SYNPO2: variants seen among roughly 807,000 people sequenced by gnomAD.
SYNPO2 encodes the protein synaptopodin 2, also known as synaptopodin-2.
In SYNPO2, 56 loss-of-function variants were observed where a neutral mutation model predicts 85.0. The ratio of observed to expected loss-of-function variants is 0.66; its 90% CI spans 0.53 to 0.82. The LOEUF is 0.82. Ranked by LOEUF, SYNPO2 falls within the 40% of genes least tolerant of loss-of-function variation. The pLI is 0.00. For missense variants in SYNPO2, 1,575 were observed against 1,534.2 expected, an observed-to-expected ratio of 1.03 and a Z score of -0.44; for synonymous variants, 602 against 591.1, an observed-to-expected ratio of 1.02 and a Z score of -0.27.
upstream of SYNPO2, among the ~76,000 whole-genome samples, chr4:118,884,033 A>C (rs1732158030): frequency 6.6e-6 from 1 of 152,158 alleles, no homozygotes; most frequent in African/African-American, 2.4e-5. Context: ...ACACAATATG[A>C]CCCAGATGGA....
chr4:119,047,205 C>G (rs1314660838), intron 4 of SYNPO2, among the ~76,000 whole-genome samples: 2 of 152,166 alleles, frequency 1.3e-5, no homozygotes, highest in Non-Finnish European at 2.9e-5. Context: ...AGATTACAGG[C>G]ATGAGCCACC....
intron 1 of SYNPO2, among the ~76,000 whole-genome samples, chr4:118,933,829 G>GTTGTTTTT (rs1553939088): frequency 4.9e-5 from 5 of 102,318 alleles, no homozygotes; most frequent in African/African-American, 6.8e-5. Context: ...TGTTGTTGTT[G>GTTGTTTTT]TTTTTTTTTT....
intron 1 of SYNPO2, among the ~76,000 whole-genome samples, chr4:118,911,001 T>G (rs1335906223): frequency 1.3e-5 from 2 of 152,198 alleles, no homozygotes; most frequent in Non-Finnish European, 2.9e-5. Context: ...TTCCCAAGTG[T>G]ATGTACTTTT....
chr4:118,975,870 A>G (rs1485032230), intron 1 of SYNPO2, among the ~76,000 whole-genome samples: 1 of 152,218 alleles, frequency 6.6e-6, no homozygotes, highest in East Asian at 1.9e-4. Flanking sequence ...TCCTGCCACT[A>G]GCTGTATGAT....
Position 119,027,284 on chromosome 4 carries a change from G to A in SYNPO2, c.915G>A (p.Lys305=). The A allele has an allele frequency of 6.2e-7, 1 of 1,614,158 alleles. No individual in the cohort carries two copies. Among genetic ancestry groups the A allele is most frequent in the South Asian group, 1.1e-5 (1 of 91,078 alleles). Residue 305 remains lysine, a synonymous_variant, in exon 3 of 5, where the codon AAG becomes AAA. Coordinates refer to ENST00000307142, the MANE Select transcript of SYNPO2 (RefSeq NM_133477.3). ...KTEGCRLQAG[K]ECVDSPVEGG... ...AAGGGTGCAGGCTTCAGGCAGGAAAGGAGTGTGTGGATTCTCCAGTGGAAG... is the reference window on the plus strand; with the variant it reads ...AAGGGTGCAGGCTTCAGGCAGGAAAAGAGTGTGTGGATTCTCCAGTGGAAG...
chr4:119,034,511 G>A lies in SYNPO2; in HGVS notation c.3252+2484G>A. 3.0e-6 allele frequency: 3 copies of A among 985,444 alleles called. No individual in the cohort carries two copies. The South Asian group carries it at 1.4e-4, about 46-fold the overall frequency. 61.0% of individuals were successfully genotyped at this position (985,444 alleles called of 1,614,324 possible). A position where few individuals can be genotyped will look rare whatever the true frequency, so the allele number is the denominator to read the frequency against. On this transcript the variant is annotated intron_variant, in intron 4 of 4. Coordinates refer to ENST00000307142, the MANE Select transcript of SYNPO2 (RefSeq NM_133477.3). Reference sequence around the variant, plus strand: ...CCTTCTGGTCATCCTAGGACTATTTGGAGTTCTCCAAAACCTTGTAAGAGG... The same window carrying A: ...CCTTCTGGTCATCCTAGGACTATTTAGAGTTCTCCAAAACCTTGTAAGAGG...
At chr4:118,954,337 A>T (rs1387981) in intron 1 of SYNPO2, among the ~76,000 whole-genome samples, 2 of 151,690 alleles carry the variant, frequency 1.3e-5, no homozygotes, top group South Asian at 2.1e-4. Context: ...TTTTTTTTCC[A>T]GTAACTCCAG....
chr4:118,952,211 G>A (rs1229767661), intron 1 of SYNPO2, among the ~76,000 whole-genome samples: 1 of 152,180 alleles, frequency 6.6e-6, no homozygotes, highest in African/African-American at 2.4e-5. Flanking sequence ...GACGATGTAT[G>A]CAATCTGTCT....
intron 1 of SYNPO2, among the ~76,000 whole-genome samples, chr4:118,982,746 C>G (rs571172649): frequency 6.6e-6 from 1 of 152,180 alleles, no homozygotes; most frequent in African/African-American, 2.4e-5. Context: ...ACAGACCAAT[C>G]ATTGATTTCC....
chr4:118,871,786 A>G lies in SYNPO2; in HGVS notation c.12+20846A>G, dbSNP rs368599620. 5.0e-3 allele frequency among the ~76,000 whole-genome samples: 765 copies of G among 152,118 alleles called. 9 individuals carry two copies. The highest frequency in any genetic ancestry group is 0.01 in the Middle Eastern group (3 of 294). On this transcript the variant is annotated intron_variant, in intron 1 of 4. Coordinates refer to the SYNPO2 transcript ENST00000610556. Reference sequence around the variant, plus strand: ...GGGTTTCACATTGTTAGCCAGGATGATCTCGATCTCCTGACCTCGTAATCC... The same window carrying G: ...GGGTTTCACATTGTTAGCCAGGATGGTCTCGATCTCCTGACCTCGTAATCC...
intron 4 of SYNPO2, chr4:119,037,878 C>G (rs34143589): frequency 0.22 from 40,889 of 186,474 alleles, 4,888 homozygotes; most frequent in East Asian, 0.44. Context: ...AAGTAACTTG[C>G]CAAAGATCAT....
intron 1 of SYNPO2, among the ~76,000 whole-genome samples, chr4:118,939,994 T>C (rs1578568915): frequency 9.0e-6 from 1 of 111,678 alleles, no homozygotes; most frequent in Non-Finnish European, 1.9e-5. Context: ...TTTTTTTTTT[T>C]GTTTTTTTTT....
At chr4:119,020,524 C>T (rs1737682586) in intron 1 of SYNPO2, among the ~76,000 whole-genome samples, 1 of 151,894 alleles carries the variant, frequency 6.6e-6, no homozygotes, top group Non-Finnish European at 1.5e-5. Flanking sequence ...TTCTGCAATC[C>T]CAGTTTAAAA....
rs145945905 is a variant in SYNPO2, at chr4:119,031,742, C to G, written c.2967C>G (p.Pro989=). ...FQPPDAKDGL[P]QKSSVKVNSA... is the part of the protein sequence containing the mutation. ...CTCCAGATGCAAAGGATGGCCTCCC[C>G]CAGAAGTCATCAGTCAAGGTCAATT... The change falls in exon 4 of 5, where the codon CCC becomes CCG. Residue 989 remains proline, a synonymous_variant. Transcript: ENST00000307142. 3.1e-6 allele frequency: 5 copies of G among 1,614,218 alleles called. No homozygotes were observed. The highest frequency in any genetic ancestry group is 1.6e-4 in the Middle Eastern group (1 of 6,062).
At chr4:118,970,489 T>C (rs1735498473) in intron 1 of SYNPO2, among the ~76,000 whole-genome samples, 1 of 152,224 alleles carries the variant, frequency 6.6e-6, no homozygotes. Context: ...CCAATTTTTT[T>C]ACTATATACC....
intron 1 of SYNPO2, among the ~76,000 whole-genome samples, chr4:118,881,510 G>A (rs554651938): frequency 1.2e-4 from 18 of 152,290 alleles, no homozygotes; most frequent in South Asian, 6.2e-4. Context: ...AATCCGTGGC[G>A]TTTGTTATGG....
At chr4:119,020,631 C>A (rs1392576301) in intron 1 of SYNPO2, among the ~76,000 whole-genome samples, 1 of 152,102 alleles carries the variant, frequency 6.6e-6, no homozygotes, top group Non-Finnish European at 1.5e-5. Context: ...CAACATAAAA[C>A]CTCTTTGGTC....
chr4:119,056,722 G>A (rs769791975), intron 4 of SYNPO2, among the ~76,000 whole-genome samples: 3 of 152,118 alleles, frequency 2.0e-5, no homozygotes, highest in Non-Finnish European at 4.4e-5. Context: ...TTCCCTCAGA[G>A]ACAAAGGCAA....
At chr4:118,858,885 TC>T (rs1339511859) in intron 1 of SYNPO2, among the ~76,000 whole-genome samples, 1 of 152,230 alleles carries the variant, frequency 6.6e-6, no homozygotes, top group Non-Finnish European at 1.5e-5. Context: ...CTCTTTCTCA[TC>T]CAACCTTTCA....
Sources: allele counts gnomAD v4.1 joint callset (sites outside exome capture counted in the v4.1 genomes callset), GRCh38; gene constraint gnomAD v4.1.1; transcripts MANE v1.5; gene names NCBI Gene and HGNC (gene_info 2026-07-23, HGNC 2026-07-21).